Variants in SRBD1 observed in about 807,000 individuals in gnomAD.
SRBD1 encodes the protein S1 RNA binding domain 1, also known as S1 RNA-binding domain-containing protein 1.
A neutral mutation model predicts 115.3 loss-of-function variants in SRBD1; 88 were observed. That is an observed-to-expected ratio of 0.76 (90% confidence interval 0.64 to 0.91). The LOEUF is 0.91. Among genes scored for constraint, SRBD1 ranks in the 40% least tolerant of loss-of-function variants. The pLI is 0.00. For synonymous variants in SRBD1, 509 were observed against 407.7 expected (o/e 1.25, Z -2.99); for missense variants, 1,385 against 1,177.4 (o/e 1.18, Z -2.58).
chr2:45,570,897 C>A (rs777407958), intron 9 of SRBD1, among the ~76,000 whole-genome samples: 3 of 152,092 alleles, frequency 2.0e-5, no homozygotes, highest in African/African-American at 7.2e-5. Flanking sequence ...TCCCAGGTGG[C>A]CTTTGTCAAA....
At chr2:45,551,331 T>C in intron 11 of SRBD1, 49 bp from the exon 12 acceptor site, 1 of 1,551,148 alleles carries the variant, frequency 6.4e-7, no homozygotes, top group Non-Finnish European at 8.6e-7. Flanking sequence ...CCAAATTTTC[T>C]TTCCAGAAAA....
At chr2:45,581,833 T>C in intron 5 of SRBD1, 23 bp from the exon 6 acceptor site, 1 of 1,570,144 alleles carries the variant, frequency 6.4e-7, no homozygotes, top group East Asian at 2.2e-5. Flanking sequence ...ACTTTTGTAA[T>C]ATACCAAAAC....
chr2:45,466,593 A>G (rs1297110270), intron 16 of SRBD1, among the ~76,000 whole-genome samples: 2 of 152,204 alleles, frequency 1.3e-5, no homozygotes, highest in Admixed American at 6.5e-5. Flanking sequence ...GTAATCATCA[A>G]TATTTTAAAT....
At chr2:45,454,148 T>C (rs1669082271) in intron 16 of SRBD1, among the ~76,000 whole-genome samples, 1 of 151,888 alleles carries the variant, frequency 6.6e-6, no homozygotes, top group Non-Finnish European at 1.5e-5. Flanking sequence ...AAGCAGGATA[T>C]TACAATGTGG....
chr2:45,532,911 A>G (rs999662671), intron 14 of SRBD1, among the ~76,000 whole-genome samples: 1 of 152,080 alleles, frequency 6.6e-6, no homozygotes, highest in Non-Finnish European at 1.5e-5. Context: ...ATATAACCAA[A>G]AGAAAAGGAT....
intron 16 of SRBD1, among the ~76,000 whole-genome samples, chr2:45,428,075 T>C (rs911519503): frequency 6.6e-6 from 1 of 152,130 alleles, no homozygotes; most frequent in South Asian, 2.1e-4. Flanking sequence ...TCGCACTTAT[T>C]CTAAAATTGA....
At chr2:45,459,977 G>A (rs976242886) in intron 16 of SRBD1, among the ~76,000 whole-genome samples, 1 of 152,176 alleles carries the variant, frequency 6.6e-6, no homozygotes, top group East Asian at 1.9e-4. Flanking sequence ...CCAACGGCAA[G>A]GATGGGCATA....
At position 45,389,350 on chromosome 2, in the gene SRBD1, G is replaced by A. The variant is rs1376230844; in HGVS notation, c.2948C>T (p.Pro983Leu). Residue 983 changes from proline (P) to leucine (L), a missense_variant, in exon 21 of 21, where the codon CCC becomes CTC. By Grantham distance (98) the Pro-to-Leu change is moderately conservative (BLOSUM62 -3). Coordinates refer to ENST00000263736, the MANE Select transcript of SRBD1 (RefSeq NM_018079.5). ...GAGGTCCAGAGTAATCCTAGATCGGGGGATGTCAATGTTGAGTACTTGGAC... is the reference window on the plus strand; with the variant it reads ...GAGGTCCAGAGTAATCCTAGATCGGAGGATGTCAATGTTGAGTACTTGGAC... ...VEVQVLNIDI[P>L]RSRITLDLIR... 1.2e-6 allele frequency: 2 copies of A among 1,613,868 alleles called. No homozygotes were observed. Among genetic ancestry groups the A allele is most frequent in the Admixed American group, 1.7e-5 (1 of 59,976 alleles).
intron 19 of SRBD1, among the ~76,000 whole-genome samples, chr2:45,401,631 C>T (rs1172209518): frequency 6.6e-6 from 1 of 152,174 alleles, no homozygotes; most frequent in African/African-American, 2.4e-5. Context: ...AAGTTTCCCA[C>T]AAAGGAACGT....
At chr2:45,573,436 G>C (rs967019434) in intron 8 of SRBD1, 94 bp from the exon 9 acceptor site, 3 of 1,435,784 alleles carry the variant, frequency 2.1e-6, no homozygotes, top group Non-Finnish European at 2.7e-6. Context: ...AAAAAGTTAA[G>C]CCATTACCAA....
At chr2:45,604,178 A>G (rs1369474867) in intron 2 of SRBD1, among the ~76,000 whole-genome samples, 1 of 152,022 alleles carries the variant, frequency 6.6e-6, no homozygotes, top group Non-Finnish European at 1.5e-5. Context: ...GCTATAGTCT[A>G]TTCTCCACCA....
intron 16 of SRBD1, among the ~76,000 whole-genome samples, chr2:45,438,614 T>G (rs1668570336): frequency 6.7e-6 from 1 of 149,330 alleles, no homozygotes; most frequent in African/African-American, 2.5e-5. Flanking sequence ...CAGATTGGAG[T>G]AGAAAAATAA....
intron 14 of SRBD1, among the ~76,000 whole-genome samples, chr2:45,545,553 G>C (rs1379072695): frequency 3.3e-5 from 5 of 152,168 alleles, no homozygotes; most frequent in African/African-American, 1.2e-4. Context: ...GAAGGTACCT[G>C]AAATAAACTG....
chr2:45,599,863 G>C, intron 3 of SRBD1, 28 bp from the exon 4 acceptor site: 1 of 1,564,986 alleles, frequency 6.4e-7, no homozygotes, highest in Non-Finnish European at 8.6e-7. Flanking sequence ...GAACATATGA[G>C]AATTAGAAGA....
At chr2:45,479,716 A>G (rs1669905438) in intron 15 of SRBD1, among the ~76,000 whole-genome samples, 1 of 152,224 alleles carries the variant, frequency 6.6e-6, no homozygotes, top group Admixed American at 6.5e-5. Context: ...GTTGTCCAGA[A>G]GATCTAGTTA....
intron 5 of SRBD1, among the ~76,000 whole-genome samples, chr2:45,582,066 G>C (rs1673383798): frequency 6.6e-6 from 1 of 152,092 alleles, no homozygotes; most frequent in Non-Finnish European, 1.5e-5. Context: ...ATCTAATGCA[G>C]AGCTCATTCA....
intron 10 of SRBD1, among the ~76,000 whole-genome samples, chr2:45,556,009 G>A (rs1183268285): frequency 6.6e-6 from 1 of 151,948 alleles, no homozygotes; most frequent in African/African-American, 2.4e-5. Context: ...CTTATCTTAG[G>A]CTAGGAAATG....
chr2:45,426,188 G>A (rs1668149159), intron 16 of SRBD1, among the ~76,000 whole-genome samples: 1 of 152,146 alleles, frequency 6.6e-6, no homozygotes, highest in Non-Finnish European at 1.5e-5. Context: ...CATTACTGAG[G>A]CTTGAGTAGG....
At chr2:45,582,967 G>C (rs1051855114) in intron 5 of SRBD1, among the ~76,000 whole-genome samples, 7 of 152,030 alleles carry the variant, frequency 4.6e-5, no homozygotes, top group African/African-American at 1.7e-4. Flanking sequence ...CAATTTACAG[G>C]GATCACTAAA....
Sources: allele counts gnomAD v4.1 joint callset (sites outside exome capture counted in the v4.1 genomes callset), GRCh38; gene constraint gnomAD v4.1.1; transcripts MANE v1.5; gene names NCBI Gene and HGNC (gene_info 2026-07-23, HGNC 2026-07-21).